QTRT1: variants seen among roughly 807,000 people sequenced by gnomAD.
The protein encoded by QTRT1 is TGT, 43-KD subunit.
QTRT1 carries 41 observed loss-of-function variants against 44.0 expected under a neutral mutation model. The observed-to-expected ratio is 0.93, with a 90% CI of 0.73 to 1.21. The LOEUF is 1.21. Among genes scored for constraint, QTRT1 ranks in the 50% most tolerant of loss-of-function variants. The pLI is 0.00. For synonymous variants in QTRT1, 226 were observed against 237.1 expected (o/e 0.95, Z 0.43); for missense variants, 542 against 575.8 (o/e 0.94, Z 0.60).
intron 3 of QTRT1, 59 bp from the exon 4 acceptor site, chr19:10,707,243 C>T (rs1347294388): frequency 6.4e-7 from 1 of 1,560,940 alleles, no homozygotes; most frequent in Admixed American, 1.7e-5. Context: ...CATGTGACGG[C>T]AGGCTTTCCC....
chr19:10,710,441 C>T (rs2068733463), intron 5 of QTRT1, among the ~76,000 whole-genome samples: 4 of 151,886 alleles, frequency 2.6e-5, no homozygotes, highest in Non-Finnish European at 1.5e-5. Flanking sequence ...TTCAGCCTCC[C>T]GAGTAGCTGG....
At chr19:10,705,840 CTTTTTTTTTT>C (rs71164114) in intron 3 of QTRT1, among the ~76,000 whole-genome samples, 1 of 37,700 alleles carries the variant, frequency 2.7e-5, no homozygotes, top group Admixed American at 4.0e-4. Flanking sequence ...CTGGCCTGTT[CTTTTTTTTTT>C]TTTTTTTTTT....
Position 10,713,041 on chromosome 19 carries a change from G to T in QTRT1, c.1059+1G>T. ...CACGGTCCACAACATCGCCTACCAG[G>T]TGAGCCAGTGCCCGGGGCAAGGTGG... On this transcript the variant is annotated splice_donor_variant, in intron 9 of 9. Coordinates refer to ENST00000250237, the MANE Select transcript of QTRT1 (RefSeq NM_031209.3). LOFTEE classifies it high-confidence loss of function. This position sits in a 1 kb window ranked among gnomAD's most constrained non-coding sequence, Gnocchi z 4.3. The T allele has an allele frequency of 8.1e-6, 13 of 1,610,784 alleles. No homozygotes were observed. Among genetic ancestry groups the T allele is most frequent in the Non-Finnish European group, 1.1e-5 (13 of 1,179,900 alleles).
chr19:10,705,631 G>T (rs1454633020), intron 3 of QTRT1, among the ~76,000 whole-genome samples: 1 of 151,470 alleles, frequency 6.6e-6, no homozygotes, highest in African/African-American at 2.4e-5. Flanking sequence ...TGCTTCCTGG[G>T]TTCAAGCGAT....
chr19:10,710,390 C>G (rs2068733089), intron 5 of QTRT1, among the ~76,000 whole-genome samples: 1 of 151,962 alleles, frequency 6.6e-6, no homozygotes. Context: ...CATCTCGGCT[C>G]ACTGCAACCT....
intron 5 of QTRT1, among the ~76,000 whole-genome samples, chr19:10,710,553 G>A (rs944303839): frequency 5.3e-5 from 8 of 152,068 alleles, no homozygotes; most frequent in African/African-American, 1.9e-4. Context: ...CTGACCTCGT[G>A]ATCCACCTGC....
chr19:10,705,459 G>A (rs545187897), intron 3 of QTRT1, among the ~76,000 whole-genome samples: 12 of 151,746 alleles, frequency 7.9e-5, no homozygotes, highest in Non-Finnish European at 1.8e-4. Flanking sequence ...GGCCGGTCTC[G>A]AACTCCTGAC....
rs543626215 is a variant in QTRT1, at chr19:10,705,547, C to A, written c.452-1755C>A. Among the ~76,000 whole-genome samples, 519 of 148,916 alleles carry A rather than the reference C, an allele frequency of 3.5e-3. 4 individuals are homozygous for A. The highest frequency in any genetic ancestry group is 0.012 in the African/African-American group (501 of 40,452). ...AGTCACCACGCCTGCCCCTTTTTTT[C>A]TTTTTTGAGACACAATCTCGCTCTG... On this transcript the variant is annotated intron_variant, in intron 3 of 9. Coordinates refer to ENST00000250237, the MANE Select transcript of QTRT1 (RefSeq NM_031209.3).
rs777332800 is a variant in QTRT1 at position 10,712,858 on chromosome 19, C to T, written c.962C>T (p.Thr321Met). 18 of 1,613,612 alleles carry T rather than the reference C, an allele frequency of 1.1e-5. No individual in the cohort carries two copies. Among genetic ancestry groups the T allele is most frequent in the African/African-American group, 8.0e-5 (6 of 74,920 alleles). The change falls in exon 8 of 10, where the codon ACG becomes ATG. Residue 321 changes from threonine to methionine, a missense_variant. Thr to Met is a moderately conservative substitution (Grantham distance 81). Coordinates refer to ENST00000250237, the MANE Select transcript of QTRT1 (RefSeq NM_031209.3). This position sits in a 1 kb window ranked among gnomAD's most constrained non-coding sequence, Gnocchi z 5.6. ...ATAGACCCGGAGTGCACCTGCCCCA[C>T]GTGCCAAAAGTAGGCAGGATGGCAC... ...GPIDPECTCP[T>M]CQKHSRAFLH...
At chr19:10,701,910 G>A (rs200278160) in intron 1 of QTRT1, 40 bp from the exon 2 acceptor site, 49 of 1,610,146 alleles carry the variant, frequency 3.0e-5, no homozygotes, top group Non-Finnish European at 4.1e-5. Flanking sequence ...CCCCAGGGAC[G>A]CGGTCACCCC....
At position 10,713,003 on chromosome 19, in the gene QTRT1, C is replaced by T. The variant is rs778203279; in HGVS notation, c.1022C>T (p.Ala341Val). 4.3e-6 allele frequency: 7 copies of T among 1,611,784 alleles called. No individual in the cohort carries two copies. Among genetic ancestry groups the T allele is most frequent in the Admixed American group, 3.3e-5 (2 of 59,982 alleles). The change falls in exon 9 of 10, where the codon GCG becomes GTG. Residue 341 changes from alanine to valine, a missense_variant. Ala to Val is a moderately conservative substitution (Grantham distance 64). Transcript: ENST00000250237. The surrounding 1 kb of genome is among the most constrained non-coding windows in gnomAD (Gnocchi z 4.3). ...CTGCTGCACAGTGACAACACGGCCG[C>T]GCTGCACCACCTCACGGTCCACAAC... Reference protein sequence around the residue: ...HALLHSDNTAALHHLTVHNIA... With the variant: ...HALLHSDNTAVLHHLTVHNIA...
In QTRT1 at chr19:10,707,219, G is replaced by T. The variant is rs1396574174; in HGVS notation, c.452-83G>T. The T allele has an allele frequency of 2.9e-6, 4 of 1,395,072 alleles. No individual in the cohort carries two copies. The African/African-American group carries it at 5.7e-5, about 20-fold the overall frequency. 86.4% of individuals were successfully genotyped at this position (1,395,072 alleles called of 1,614,324 possible). A position where few individuals can be genotyped will look rare whatever the true frequency, so the allele number is the denominator to read the frequency against. ...GGGATGGGGGGATGCTCTTGGGGAAGTCCAACTTGTCCCCATGTGACGGCA... is the reference window on the plus strand; with the variant it reads ...GGGATGGGGGGATGCTCTTGGGGAATTCCAACTTGTCCCCATGTGACGGCA... On this transcript the variant is annotated intron_variant, in intron 3 of 9. Transcript: ENST00000250237.
chr19:10,710,940 A>T (rs1599396251), intron 5 of QTRT1: 1 of 151,944 alleles, frequency 6.6e-6, no homozygotes, highest in Admixed American at 6.6e-5. Context: ...AAAAAAAAAA[A>T]AATTAAGTTC....
intron 3 of QTRT1, among the ~76,000 whole-genome samples, chr19:10,705,946 C>T (rs571111057): frequency 1.4e-5 from 2 of 146,736 alleles, no homozygotes; most frequent in Admixed American, 7.0e-5. Context: ...AGCTTCACCT[C>T]CCGGGTGCAC....
At chr19:10,702,080 C>CA in intron 2 of QTRT1, 36 bp from the exon 3 acceptor site, 1 of 1,614,180 alleles carries the variant, frequency 6.2e-7, no homozygotes, top group Non-Finnish European at 8.5e-7. Flanking sequence ...TCCCCATCTC[C>CA]ACCCCCTGAC....
chr19:10,711,971 A>C, intron 5 of QTRT1, 190 bp from the exon 6 acceptor site: 1 of 680,674 alleles, frequency 1.5e-6, no homozygotes, highest in Non-Finnish European at 2.5e-6. Flanking sequence ...ACAGACAGAC[A>C]AACTGATGGA....
intron 5 of QTRT1, 130 bp downstream of exon 5, chr19:10,707,745 G>T (rs551369147): frequency 1.7e-6 from 1 of 596,324 alleles, no homozygotes; most frequent in Non-Finnish European, 2.9e-6. Flanking sequence ...CGGAGCAAAG[G>T]CTCTCGGGCC....
chr19:10,702,759 CTTTT>C (rs34948949), intron 3 of QTRT1, among the ~76,000 whole-genome samples: 56 of 68,538 alleles, frequency 8.2e-4, no homozygotes, highest in Non-Finnish European at 1.3e-3. Flanking sequence ...CAATATCCTT[CTTTT>C]TTTTTTTTTT....
chr19:10,708,111 C>T (rs1318065075), intron 5 of QTRT1, among the ~76,000 whole-genome samples: 2 of 151,898 alleles, frequency 1.3e-5, no homozygotes, highest in East Asian at 3.9e-4. Context: ...ACTACAGGCA[C>T]CCGCCACCAG....
Sources: gnomAD v4.1 joint callset for allele counts (sites outside exome capture counted in the v4.1 genomes callset) on GRCh38, gnomAD v4.1.1 for gene constraint, Gnocchi (gnomAD v3.1) non-coding constraint, MANE v1.5 for transcripts, NCBI Gene and HGNC (gene_info 2026-07-23, HGNC 2026-07-21) for gene names.